Variants in TASOR2 observed in about 807,000 individuals in gnomAD.
TASOR2 encodes transcription activation suppressor family member 2.
In TASOR2, 84 loss-of-function variants were observed where a neutral mutation model predicts 199.5. The ratio of observed to expected loss-of-function variants is 0.42; its 90% CI spans 0.35 to 0.50. The LOEUF (loss-of-function observed/expected upper bound fraction) is 0.50, where lower values mean the gene tolerates loss of function less well. TASOR2 is among the 20% of genes least tolerant of loss of function. TASOR2 has a pLI of 0.02. For synonymous variants in TASOR2, 1,103 were observed against 1,046.6 expected, an observed-to-expected ratio of 1.05 and a Z score of -1.04; for missense variants, 2,796 against 2,835.9, an observed-to-expected ratio of 0.99 and a Z score of 0.32.
At chr10:5,702,067 T>C (rs529765925) in intron 1 of TASOR2, among the ~76,000 whole-genome samples, 2 of 152,186 alleles carry the variant, frequency 1.3e-5, no homozygotes, top group Non-Finnish European at 2.9e-5. Flanking sequence ...CAATTGTTCC[T>C]TGTTCAGGAT....
chr10:5,688,035 C>T (rs1441992655), intron 1 of TASOR2, among the ~76,000 whole-genome samples: 1 of 152,136 alleles, frequency 6.6e-6, no homozygotes, highest in Admixed American at 6.5e-5. Context: ...TGAAGGTCTC[C>T]TTTAATGACT....
Position 5,690,989 on chromosome 10 carries a change from G to A in TASOR2, c.-288+5814G>A, listed in dbSNP as rs569070996. ...GGGTGGATCACAAGGTCAGGAGATC[G>A]AGACCATCCTGGCCAACATGGTGAA... is the stretch of plus-strand genomic sequence containing the variant. On this transcript the variant is annotated intron_variant, in intron 1 of 20. Transcript: ENST00000328090. This position sits in a 1 kb window ranked among gnomAD's most constrained non-coding sequence, Gnocchi z 4.8. 2.6e-3 allele frequency among the ~76,000 whole-genome samples: 391 copies of A among 152,118 alleles called. 2 individuals are homozygous for A. Among genetic ancestry groups the A allele is most frequent in the African/African-American group, 8.9e-3 (369 of 41,484 alleles).
chr10:5,743,114 A>G (rs569167249), intron 14 of TASOR2, among the ~76,000 whole-genome samples: 1 of 152,350 alleles, frequency 6.6e-6, no homozygotes, highest in South Asian at 2.1e-4. Flanking sequence ...GAGCAAATCT[A>G]AAAGTTGTTA....
intron 14 of TASOR2, among the ~76,000 whole-genome samples, chr10:5,744,308 G>GTTTTA (rs761979888): frequency 6.6e-5 from 10 of 151,736 alleles, no homozygotes; most frequent in Non-Finnish European, 1.2e-4. Flanking sequence ...GTTTTGTTTT[G>GTTTTA]TTTTGTTTTG....
chr10:5,747,888 A>T (rs1354330529), exon 15 of TASOR2: 2 of 1,613,828 alleles, frequency 1.2e-6, no homozygotes, highest in South Asian at 2.2e-5. Context: ...ATCCAGGAAG[A>T]ACAGGTAGAC....
exon 15 of TASOR2, chr10:5,747,805 G>C: frequency 6.2e-7 from 1 of 1,613,882 alleles, no homozygotes; most frequent in Non-Finnish European, 8.5e-7. Flanking sequence ...TACCCATCCA[G>C]TGGGGCAAGA....
At chr10:5,757,377 C>T in intron 16 of TASOR2, 143 bp from the exon 18 acceptor site, 2 of 780,880 alleles carry the variant, frequency 2.6e-6, no homozygotes, top group Non-Finnish European at 4.1e-6. Context: ...TCATGCAGGG[C>T]AGAATGACCA....
At chr10:5,718,363 T>C (rs1832903361) in intron 3 of TASOR2, among the ~76,000 whole-genome samples, 1 of 147,522 alleles carries the variant, frequency 6.8e-6, no homozygotes, top group Non-Finnish European at 1.5e-5. Context: ...ATTCTTTGGT[T>C]ATCAGCCTAG....
intron 1 of TASOR2, among the ~76,000 whole-genome samples, chr10:5,697,100 G>A (rs543101812): frequency 2.0e-5 from 3 of 152,250 alleles, no homozygotes; most frequent in Admixed American, 1.3e-4. Context: ...GGTTGAAAGG[G>A]CCTATTAAGC....
At chr10:5,741,695 A>G (rs1836450723) in intron 13 of TASOR2, among the ~76,000 whole-genome samples, 1 of 152,256 alleles carries the variant, frequency 6.6e-6, no homozygotes, top group African/African-American at 2.4e-5. Context: ...AAAATGGAAA[A>G]TAAATGAATC....
chr10:5,707,728 A>T (rs1463593274), intron 1 of TASOR2, among the ~76,000 whole-genome samples: 100 of 504 alleles, frequency 0.2, no homozygotes, highest in African/African-American at 0.25. Context: ...ACTCATTTTC[A>T]CACACACACA....
exon 21 of TASOR2, chr10:5,763,236 C>T (rs1466752334): frequency 5.8e-6 from 3 of 514,098 alleles, no homozygotes; most frequent in African/African-American, 4.0e-5. Flanking sequence ...CTTTGGGTTG[C>T]AGTGCTAGAT....
intron 19 of TASOR2, 43 bp downstream of exon 20, chr10:5,761,514 T>A: frequency 6.4e-7 from 1 of 1,574,224 alleles, no homozygotes; most frequent in South Asian, 1.1e-5. Context: ...CCAAAATTGG[T>A]CAGCTCTAGG....
intron 11 of TASOR2, among the ~76,000 whole-genome samples, chr10:5,732,873 C>G (rs938878860): frequency 2.0e-5 from 3 of 152,140 alleles, no homozygotes; most frequent in Non-Finnish European, 4.4e-5. Context: ...ATAGTGGTTT[C>G]TGGCTTATTG....
intron 1 of TASOR2, among the ~76,000 whole-genome samples, chr10:5,695,411 A>G (rs1837030684): frequency 6.6e-6 from 1 of 152,200 alleles, no homozygotes; most frequent in Non-Finnish European, 1.5e-5. Context: ...GAGTACATAC[A>G]TATACACTAA....
rs192382862 is a variant in TASOR2 at position 5,748,759 on chromosome 10, T to G, written c.5338T>G (p.Phe1780Val). ...TTTGGCCTCCTTTGTTTCAGAATCCTTTGATACTTCTGTTTGTGGAATAGC... is the reference window on the plus strand; with the variant it reads ...TTTGGCCTCCTTTGTTTCAGAATCCGTTGATACTTCTGTTTGTGGAATAGC... The change falls in exon 15 of 21, where the codon TTT becomes GTT. Residue 1780 changes from phenylalanine to valine, a missense_variant. Phe to Val is a conservative substitution (Grantham distance 50, BLOSUM62 -1). Transcript: ENST00000328090. This position sits in a 1 kb window ranked among gnomAD's most constrained non-coding sequence, Gnocchi z 5.1. 2.4e-4 allele frequency: 387 copies of G among 1,614,178 alleles called. 7 individuals carry two copies. In the South Asian group the frequency reaches 4.1e-3, roughly 17 times the overall value.
chr10:5,712,300 A>T (rs1442792505), intron 1 of TASOR2: 1 of 864,468 alleles, frequency 1.2e-6, no homozygotes, highest in Non-Finnish European at 1.5e-6. Flanking sequence ...TAGGAAAGGA[A>T]TAGGTGATGT....
intron 14 of TASOR2, chr10:5,744,032 G>C (rs1283040634): frequency 6.6e-6 from 1 of 152,156 alleles, no homozygotes; most frequent in East Asian, 1.9e-4. Context: ...CACTCTTTCT[G>C]AATTGTCAGA....
chr10:5,735,232 C>A, intron 11 of TASOR2, 72 bp from the exon 13 acceptor site: 1 of 1,532,446 alleles, frequency 6.5e-7, no homozygotes, highest in South Asian at 1.3e-5. Flanking sequence ...CAAAACAAAA[C>A]AAAAAATGGA....
Sources: allele counts gnomAD v4.1 joint callset (sites outside exome capture counted in the v4.1 genomes callset), GRCh38; gene constraint gnomAD v4.1.1; non-coding constraint Gnocchi (gnomAD v3.1); transcripts MANE v1.5; gene names NCBI Gene and HGNC (gene_info 2026-07-23, HGNC 2026-07-21).